The following ANKRD17 variants were observed in gnomAD, a reference collection of about 807,000 sequenced individuals.
The protein encoded by ANKRD17 is ankyrin repeat domain 17.
ANKRD17 carries 19 observed loss-of-function variants against 229.7 expected under a neutral mutation model. That is an observed-to-expected ratio of 0.08 (90% CI 0.06 to 0.12). ANKRD17 has a LOEUF of 0.12. Ranked by LOEUF, ANKRD17 falls within the 10% of genes least tolerant of loss-of-function variation. The probability of loss-of-function intolerance (pLI) is 1.00; values close to 1 mark genes in which losing one functional copy is unlikely to be tolerated. For synonymous variants in ANKRD17, 1,112 were observed against 1,146.1 expected (o/e 0.97, Z 0.60); for missense variants, 2,176 against 3,176.8 (o/e 0.68, Z 7.57).
Position 73,090,948 on chromosome 4 carries a change from T to C in ANKRD17, c.6680A>G (p.Gln2227Arg), listed in dbSNP as rs754366996. 1 of 1,614,236 alleles carries C rather than the reference T, an allele frequency of 6.2e-7. No individual in the cohort carries two copies. Among genetic ancestry groups the C allele is most frequent in the Non-Finnish European group, 8.5e-7 (1 of 1,180,052 alleles). ...ATGTACTGAATTCTGACAAGCACTT[T>C]GTGTACTTAAGGTCGAAGGTAGCTG... ...SVQLPSTLST[Q>R]SACQNSVHPA... Residue 2227 changes from glutamine to arginine, a missense_variant, in exon 29 of 34, where the codon CAA becomes CGA. Gln to Arg is a conservative substitution (Grantham distance 43). Coordinates refer to ENST00000358602, the MANE Select transcript of ANKRD17 (RefSeq NM_032217.5).
intron 24 of ANKRD17, 72 bp downstream of exon 24, chr4:73,113,720 A>T: frequency 3.5e-6 from 4 of 1,153,608 alleles, no homozygotes; most frequent in Non-Finnish European, 5.2e-6. Flanking sequence ...AAAAAGACGG[A>T]TTACAAATCA....
chr4:73,244,390 G>A (rs985289045), intron 1 of ANKRD17, among the ~76,000 whole-genome samples: 5 of 152,000 alleles, frequency 3.3e-5, no homozygotes, highest in African/African-American at 9.7e-5. Context: ...TTTCTGTGAT[G>A]GAAATATTCT....
Position 73,238,266 on chromosome 4 carries a change from T to A in ANKRD17, c.393+20010A>T, listed in dbSNP as rs567812589. 1.2e-4 allele frequency among the ~76,000 whole-genome samples: 18 copies of A among 152,268 alleles called. 1 individual carries two copies. In the South Asian group the frequency reaches 3.5e-3, roughly 30 times the overall value. ...AGAAAGTATTACCAGGCCCCTTTTA[T>A]GAGAGACTGAGATATTTAATTTTTA... On this transcript the variant is annotated intron_variant, in intron 1 of 33. Transcript: ENST00000358602.
intron 27 of ANKRD17, among the ~76,000 whole-genome samples, chr4:73,096,025 A>C (rs1366217527): frequency 6.6e-6 from 1 of 152,174 alleles, no homozygotes. Flanking sequence ...CAATATTTCT[A>C]AAAGAAATAC....
intron 3 of ANKRD17, among the ~76,000 whole-genome samples, chr4:73,158,152 AAAAGAAAG>A (rs71215492): frequency 0.016 from 2,114 of 128,798 alleles, 28 homozygotes; most frequent in Middle Eastern, 0.055. Flanking sequence ...GAAAGGAAGA[AAAAGAAAG>A]AAAGAAAGAA....
At chr4:73,081,699 T>TA (rs1420314777) in intron 30 of ANKRD17, among the ~76,000 whole-genome samples, 1 of 151,954 alleles carries the variant, frequency 6.6e-6, no homozygotes, top group South Asian at 2.1e-4. Context: ...AAATTACAAA[T>TA]AAAAAAATCA....
intron 3 of ANKRD17, among the ~76,000 whole-genome samples, chr4:73,159,247 C>A (rs549004157): frequency 6.6e-6 from 1 of 152,320 alleles, no homozygotes; most frequent in African/African-American, 2.4e-5. Flanking sequence ...TAGAACAAAT[C>A]CTTCCCATAA....
intron 24 of ANKRD17, among the ~76,000 whole-genome samples, chr4:73,104,495 C>T (rs1357572375): frequency 6.6e-6 from 1 of 152,108 alleles, no homozygotes; most frequent in Non-Finnish European, 1.5e-5. Flanking sequence ...ACCAGAAAAA[C>T]GTATTATCAA....
At chr4:73,099,122 G>A in intron 25 of ANKRD17, 1 of 729,718 alleles carries the variant, frequency 1.4e-6, no homozygotes, top group South Asian at 1.4e-5. Flanking sequence ...CATCTGGCAG[G>A]AGTCCTCAGA....
chr4:73,222,911 C>G, intron 1 of ANKRD17: 1 of 1,296,472 alleles, frequency 7.7e-7, no homozygotes, highest in Non-Finnish European at 1.1e-6. Flanking sequence ...TAAAATAATT[C>G]CGGCAGATAA....
chr4:73,122,859 C>T (rs994736966), intron 18 of ANKRD17, among the ~76,000 whole-genome samples: 7 of 152,062 alleles, frequency 4.6e-5, no homozygotes, highest in Non-Finnish European at 1.0e-4. Context: ...TCAAATTTCT[C>T]AAGTTTTCTC....
chr4:73,090,041 T>C (rs1289271116), intron 29 of ANKRD17, among the ~76,000 whole-genome samples: 1 of 152,236 alleles, frequency 6.6e-6, no homozygotes, highest in Non-Finnish European at 1.5e-5. Context: ...ATCTGTTATT[T>C]TGTATTTGTA....
At chr4:73,177,199 T>A (rs927525983) in intron 2 of ANKRD17, among the ~76,000 whole-genome samples, 181 bp downstream of exon 2, 1 of 152,234 alleles carries the variant, frequency 6.6e-6, no homozygotes, top group Non-Finnish European at 1.5e-5. Context: ...ACTCTGGTAA[T>A]GAAAATTACA....
At chr4:73,150,652 T>G (rs1224860667) in intron 7 of ANKRD17, among the ~76,000 whole-genome samples, 1 of 152,180 alleles carries the variant, frequency 6.6e-6, no homozygotes, top group Non-Finnish European at 1.5e-5. Context: ...TAAATAAAAT[T>G]TAACATCCTT....
chr4:73,179,523 T>A lies in ANKRD17; in HGVS notation c.394-1990A>T, dbSNP rs1451351140. 9.7e-4 allele frequency among the ~76,000 whole-genome samples: 126 copies of A among 129,900 alleles called. 1 individual carries two copies. Among genetic ancestry groups the A allele is most frequent in the African/African-American group, 1.2e-3 (41 of 33,770 alleles). 85.2% of individuals were successfully genotyped at this position (129,900 alleles called of 152,430 possible). ...ATATATATATATATATATATATTTT[T>A]TTTTTTTTTTTTAAAGAGACATGGA... On this transcript the variant is annotated intron_variant, in intron 1 of 33. Transcript: ENST00000358602.
intron 16 of ANKRD17, among the ~76,000 whole-genome samples, chr4:73,129,761 CTTTTT>C (rs768232283): frequency 4.5e-5 from 6 of 134,156 alleles, no homozygotes; most frequent in Admixed American, 1.6e-4. Context: ...CTATTAATTA[CTTTTT>C]TTTTTTTTTT....
intron 30 of ANKRD17, among the ~76,000 whole-genome samples, chr4:73,081,902 T>C (rs1314553510): frequency 6.6e-6 from 1 of 152,062 alleles, no homozygotes; most frequent in Non-Finnish European, 1.5e-5. Flanking sequence ...TCCCAACACT[T>C]TGGGAGGCCC....
chr4:73,090,697 G>A lies in ANKRD17; in HGVS notation c.6931C>T (p.Pro2311Ser), dbSNP rs764212299. Residue 2311 changes from proline to serine, a missense_variant, in exon 29 of 34, where the codon CCA becomes TCA. By Grantham distance (74) the Pro-to-Ser change is moderately conservative. Around this residue, in one of 18 missense-constraint regions of ANKRD17, gnomAD observed 424 missense variants for 454.0 expected, o/e 0.93. Transcript: ENST00000358602. ...GGACTTGGAGCAGGTCTCTGTAATG[G>A]TGGTCTAAAACCTGGAGCTTTGGAA... is the stretch of plus-strand genomic sequence containing the variant. ...DTSKAPGFRP[P>S]LQRPAPSPSG... is the part of the protein sequence containing the mutation. The A allele has an allele frequency of 1.2e-6, 2 of 1,614,074 alleles. No individual in the cohort carries two copies. Among genetic ancestry groups the A allele is most frequent in the African/African-American group, 1.3e-5 (1 of 74,944 alleles).
At chr4:73,129,974 C>G (rs930247483) in intron 16 of ANKRD17, among the ~76,000 whole-genome samples, 1 of 151,864 alleles carries the variant, frequency 6.6e-6, no homozygotes, top group East Asian at 1.9e-4. Flanking sequence ...ACGGTGTTAG[C>G]CAGGATGGTC....
Sources: allele counts gnomAD v4.1 joint callset (sites outside exome capture counted in the v4.1 genomes callset), GRCh38; gene constraint gnomAD v4.1.1; regional missense constraint gnomAD v4.1.1; transcripts MANE v1.5; gene names NCBI Gene and HGNC (gene_info 2026-07-23, HGNC 2026-07-21).